Variants in GRM1 observed in about 807,000 individuals in gnomAD.
GRM1 encodes metabotropic glutamate receptor 1.
Under a neutral mutation model 90.9 loss-of-function variants are expected in GRM1, and 33 were observed. That is an observed-to-expected ratio of 0.36 (90% CI 0.28 to 0.49). The LOEUF (loss-of-function observed/expected upper bound fraction) is 0.49, where lower values mean the gene tolerates loss of function less well. Among genes scored for constraint, GRM1 ranks in the 20% least tolerant of loss-of-function variants. The probability of loss-of-function intolerance (pLI) is 0.99; values close to 1 mark genes in which losing one functional copy is unlikely to be tolerated. For missense variants in GRM1, 1,190 were observed against 1,534.3 expected (o/e 0.78, Z 3.75); for synonymous variants, 700 against 613.2 (o/e 1.14, Z -2.09).
intron 1 of GRM1, among the ~76,000 whole-genome samples, chr6:146,141,810 T>C (rs181735361): frequency 1.3e-5 from 2 of 152,328 alleles, no homozygotes; most frequent in African/African-American, 4.8e-5. Context: ...TGAATTTCAG[T>C]GAGTTTCTTC....
chr6:146,074,497 C>T (rs1328532626), intron 1 of GRM1, among the ~76,000 whole-genome samples: 1 of 152,100 alleles, frequency 6.6e-6, no homozygotes, highest in African/African-American at 2.4e-5. Context: ...CACCCAGAGA[C>T]CTGGAAGTCT....
intron 2 of GRM1, among the ~76,000 whole-genome samples, chr6:146,183,637 C>T (rs1467254707): frequency 1.3e-5 from 2 of 152,092 alleles, no homozygotes; most frequent in Non-Finnish European, 2.9e-5. Flanking sequence ...GTTCCTTTTC[C>T]ATGCCTTGTA....
intron 1 of GRM1, among the ~76,000 whole-genome samples, chr6:146,116,818 T>G (rs1404433457): frequency 6.6e-6 from 1 of 152,070 alleles, no homozygotes; most frequent in East Asian, 1.9e-4. Context: ...AACTTTTGTT[T>G]TGTCAATGTG....
At chr6:146,144,694 T>C (rs907898371) in intron 1 of GRM1, among the ~76,000 whole-genome samples, 1 of 152,198 alleles carries the variant, frequency 6.6e-6, no homozygotes, top group Non-Finnish European at 1.5e-5. Context: ...GAAGTGGCTT[T>C]AGAACTGGGT....
intron 2 of GRM1, among the ~76,000 whole-genome samples, chr6:146,266,255 T>C (rs1356442455): frequency 1.3e-5 from 2 of 152,058 alleles, no homozygotes; most frequent in Non-Finnish European, 2.9e-5. Context: ...CATAAAATAA[T>C]CCAGCATGAA....
intron 5 of GRM1, among the ~76,000 whole-genome samples, chr6:146,362,664 CAAAAAAA>C (rs11432508): frequency 3.5e-5 from 3 of 86,198 alleles, no homozygotes; most frequent in African/African-American, 1.1e-4. Context: ...GACTCCATCT[CAAAAAAA>C]AAAAAAAAAA....
intron 3 of GRM1, among the ~76,000 whole-genome samples, chr6:146,314,051 C>CTTT (rs552986343): frequency 0.042 from 2,583 of 61,964 alleles, 729 homozygotes; most frequent in East Asian, 0.067. Flanking sequence ...TAGTTAATTC[C>CTTT]TTTTTTTTTT....
chr6:146,389,049 C>T (rs1286443516), intron 6 of GRM1, among the ~76,000 whole-genome samples: 1 of 152,020 alleles, frequency 6.6e-6, no homozygotes, highest in African/African-American at 2.4e-5. Flanking sequence ...CCTCCACTTA[C>T]ATTATTTCTC....
intron 2 of GRM1, among the ~76,000 whole-genome samples, chr6:146,218,100 G>C (rs1210473688): frequency 6.6e-6 from 1 of 151,982 alleles, no homozygotes; most frequent in African/African-American, 2.4e-5. Context: ...AGGTCTCCCA[G>C]CCTGTGTGTG....
chr6:146,109,535 T>A (rs1371944818), intron 1 of GRM1, among the ~76,000 whole-genome samples: 1 of 152,018 alleles, frequency 6.6e-6, no homozygotes. Context: ...AGGGACAGGG[T>A]CCTCATGGAG....
At chr6:146,195,763 G>A (rs60628397) in intron 2 of GRM1, among the ~76,000 whole-genome samples, 8,089 of 152,276 alleles carry the variant, frequency 0.053, 706 homozygotes, top group African/African-American at 0.18. Context: ...AAAGAAAGGC[G>A]ATAGAGAGGG....
intron 1 of GRM1, among the ~76,000 whole-genome samples, chr6:146,149,077 G>A (rs1298457086): frequency 1.3e-5 from 2 of 152,164 alleles, no homozygotes; most frequent in African/African-American, 4.8e-5. Flanking sequence ...TTCATAAATA[G>A]CTAACTGAAG....
chr6:146,283,490 A>G (rs1782654000), intron 2 of GRM1, among the ~76,000 whole-genome samples: 2 of 152,220 alleles, frequency 1.3e-5, no homozygotes, highest in Admixed American at 6.5e-5. Context: ...TTTTGCTCTC[A>G]TTAGTCATAT....
In GRM1 at chr6:146,436,214, A is replaced by C. The variant is rs1278028592; in HGVS notation, c.*1418A>C. On this transcript the variant is annotated 3_prime_UTR_variant, in exon 8 of 8. Transcript: ENST00000282753. Reference sequence around the variant, plus strand: ...ACAGAAGCTCTTTGACGGTTTGAATACTATGGCTCAAGGTTTTCATATGCA... The same window carrying C: ...ACAGAAGCTCTTTGACGGTTTGAATCCTATGGCTCAAGGTTTTCATATGCA... 4 of 152,450 alleles carry C rather than the reference A, an allele frequency of 2.6e-5. No homozygotes were observed. Among genetic ancestry groups the C allele is most frequent in the African/African-American group, 4.8e-5 (2 of 41,464 alleles). 9.4% of individuals were successfully genotyped at this position (152,450 alleles called of 1,614,324 possible).
intron 2 of GRM1, among the ~76,000 whole-genome samples, chr6:146,240,230 G>A (rs773527219): frequency 6.6e-6 from 1 of 152,070 alleles, no homozygotes; most frequent in South Asian, 2.1e-4. Flanking sequence ...CTCTGGCTCC[G>A]ACGTTTTGAC....
chr6:146,043,651 T>C (rs1791198413), intron 1 of GRM1, among the ~76,000 whole-genome samples: 1 of 151,542 alleles, frequency 6.6e-6, no homozygotes, highest in Non-Finnish European at 1.5e-5. Flanking sequence ...CTAAAATTAA[T>C]GCTCAATCAC....
At chr6:146,122,141 A>G (rs1041012505) in intron 1 of GRM1, among the ~76,000 whole-genome samples, 4 of 152,188 alleles carry the variant, frequency 2.6e-5, no homozygotes, top group African/African-American at 9.7e-5. Flanking sequence ...AAAGGGATAT[A>G]TTTATTTTTT....
At chr6:146,063,433 T>G (rs1220689765) in intron 1 of GRM1, among the ~76,000 whole-genome samples, 2 of 152,200 alleles carry the variant, frequency 1.3e-5, no homozygotes, top group African/African-American at 4.8e-5. Flanking sequence ...TGTTGAAGAT[T>G]ATTTTATTTG....
At chr6:146,155,491 G>A (rs182270940) in intron 1 of GRM1, among the ~76,000 whole-genome samples, 149 of 152,204 alleles carry the variant, frequency 9.8e-4, no homozygotes, top group African/African-American at 3.4e-3. Context: ...CACATTTCTC[G>A]GAACATATCC....
Sources: allele counts gnomAD v4.1 joint callset (sites outside exome capture counted in the v4.1 genomes callset), GRCh38; gene constraint gnomAD v4.1.1; transcripts MANE v1.5; gene names NCBI Gene and HGNC (gene_info 2026-07-23, HGNC 2026-07-21).